Variants in ADGRV1 observed in about 807,000 individuals in gnomAD.
The protein encoded by ADGRV1 is G-protein coupled receptor 98.
Under a neutral mutation model 596.2 loss-of-function variants are expected in ADGRV1, and 359 were observed. The observed-to-expected ratio is 0.60, with a 90% confidence interval of 0.55 to 0.66. The LOEUF (loss-of-function observed/expected upper bound fraction) is 0.66. ADGRV1 is among the 30% of genes least tolerant of loss of function. The pLI, the probability that ADGRV1 is intolerant of heterozygous loss-of-function variation, is 0.00. For missense variants in ADGRV1, 7,274 were observed against 7,575.6 expected (o/e 0.96, Z 1.48); for synonymous variants, 2,681 against 2,679.2 (o/e 1.00, Z -0.02).
intron 85 of ADGRV1, among the ~76,000 whole-genome samples, chr5:91,018,932 C>T (rs550775020): frequency 6.6e-6 from 1 of 151,898 alleles, no homozygotes; most frequent in Non-Finnish European, 1.5e-5. Context: ...TTATAGAAAT[C>T]GGTCATTTCA....
intron 59 of ADGRV1, among the ~76,000 whole-genome samples, chr5:90,765,157 C>A (rs1249790811): frequency 3.3e-5 from 5 of 152,108 alleles, no homozygotes; most frequent in African/African-American, 1.2e-4. Context: ...CTGTTCAGAA[C>A]TGGGCCTTTC....
At chr5:90,791,593 G>A (rs923269628) in intron 70 of ADGRV1, 1 of 464,212 alleles carries the variant, frequency 2.2e-6, no homozygotes, top group East Asian at 3.7e-5. Flanking sequence ...TACTTACAAA[G>A]TTCTAGGAAA....
At position 91,043,611 on chromosome 5, in the gene ADGRV1, A is replaced by G. The variant is rs888341147; in HGVS notation, c.18153-28836A>G. Among the ~76,000 whole-genome samples, 10 of 152,148 alleles carry G rather than the reference A, an allele frequency of 6.6e-5. No individual in the cohort carries two copies. The East Asian group carries it at 1.3e-3, about 21-fold the overall frequency. ...CAGTTCCTCCATTTATAAAATGGGG[A>G]TTATAATTCTAGTAATTACCTCTTA... On this transcript the variant is annotated intron_variant, in intron 85 of 89. Transcript: ENST00000405460.
At chr5:91,116,740 T>A (rs1181273001) in intron 87 of ADGRV1, among the ~76,000 whole-genome samples, 1 of 152,196 alleles carries the variant, frequency 6.6e-6, no homozygotes, top group East Asian at 1.9e-4. Flanking sequence ...CCATAATTAA[T>A]GTTTTGGGAC....
chr5:90,643,788 A>G lies in ADGRV1; in HGVS notation c.2554-15A>G. On this transcript the variant is annotated splice_polypyrimidine_tract_variant and intron_variant, in intron 13 of 89. Transcript: ENST00000405460. The stretch of plus-strand genomic sequence containing the variant: ...TCAACTTTATAATTTCCATACTTTG[A>G]CACATTCACTTTAGTTGGATGAACA... 2 of 1,563,476 alleles carry G rather than the reference A, an allele frequency of 1.3e-6. No individual in the cohort carries two copies. The highest frequency in any genetic ancestry group is 8.7e-7 in the Non-Finnish European group (1 of 1,153,656).
chr5:91,005,381 T>A (rs1782186491), intron 85 of ADGRV1, among the ~76,000 whole-genome samples: 1 of 152,240 alleles, frequency 6.6e-6, no homozygotes, highest in South Asian at 2.1e-4. Context: ...TATATATATT[T>A]TTTTGAAGTG....
chr5:90,693,338 C>T (rs2149635924), intron 32 of ADGRV1, among the ~76,000 whole-genome samples: 1 of 152,086 alleles, frequency 6.6e-6, no homozygotes, highest in East Asian at 1.9e-4. Context: ...AACCTATGCA[C>T]AGTCATCCAT....
chr5:90,684,813 C>T (rs73181676), intron 28 of ADGRV1, among the ~76,000 whole-genome samples: 5,215 of 152,184 alleles, frequency 0.034, 173 homozygotes, highest in African/African-American at 0.09. Flanking sequence ...AACCTTCAGA[C>T]CATAGTAACA....
At chr5:90,666,498 C>G (rs1032569931) in intron 21 of ADGRV1, among the ~76,000 whole-genome samples, 1 of 150,232 alleles carries the variant, frequency 6.7e-6, no homozygotes, top group Non-Finnish European at 1.5e-5. Flanking sequence ...TATTTTGAGC[C>G]TATGTGTGTC....
chr5:90,861,435 G>A (rs539479139), intron 82 of ADGRV1, among the ~76,000 whole-genome samples: 13 of 151,776 alleles, frequency 8.6e-5, no homozygotes, highest in African/African-American at 3.1e-4. Flanking sequence ...TCAGCCTCCC[G>A]GGTAGCTGGG....
intron 42 of ADGRV1, 61 bp downstream of exon 42, chr5:90,712,489 GGAA>G (rs1292428479): frequency 3.2e-6 from 4 of 1,232,320 alleles, no homozygotes; most frequent in Non-Finnish European, 3.4e-6. Context: ...TTAATATGGG[GGAA>G]GATGTAAAGG....
chr5:90,881,663 A>G (rs1445165946), intron 83 of ADGRV1, among the ~76,000 whole-genome samples: 3 of 152,182 alleles, frequency 2.0e-5, no homozygotes, highest in Non-Finnish European at 4.4e-5. Context: ...TAATGAAAGT[A>G]TTAGAAAATA....
chr5:90,949,852 G>A (rs1456926116), intron 83 of ADGRV1, among the ~76,000 whole-genome samples: 1 of 149,760 alleles, frequency 6.7e-6, no homozygotes, highest in Non-Finnish European at 1.5e-5. Context: ...AATGGACTGT[G>A]TGCATTGACT....
chr5:90,757,446 C>G (rs1270169682), intron 57 of ADGRV1, among the ~76,000 whole-genome samples: 3 of 152,136 alleles, frequency 2.0e-5, no homozygotes, highest in Non-Finnish European at 4.4e-5. Flanking sequence ...AAGTGCCTAA[C>G]AATGTATAGA....
chr5:90,906,363 T>G (rs936951172), intron 83 of ADGRV1, among the ~76,000 whole-genome samples: 1 of 152,130 alleles, frequency 6.6e-6, no homozygotes, highest in Non-Finnish European at 1.5e-5. Flanking sequence ...CCTGGGCTGT[T>G]TTTTACTGGG....
Position 90,699,746 on chromosome 5 carries a change from C to G in ADGRV1, c.8155+2600C>G, listed in dbSNP as rs111600574. Among the ~76,000 whole-genome samples the G allele has an allele frequency of 4.9e-4, 75 of 152,222 alleles. 1 individual carries two copies. The highest frequency in any genetic ancestry group is 1.7e-3 in the African/African-American group (72 of 41,550). ...GTACCACAACATCTTGGAGAAACTG[C>G]AGATATGAACACCTACAGTCTGTTT... On this transcript the variant is annotated intron_variant, in intron 34 of 89. Coordinates refer to ENST00000405460, the MANE Select transcript of ADGRV1 (RefSeq NM_032119.4).
intron 81 of ADGRV1, among the ~76,000 whole-genome samples, chr5:90,854,553 G>T (rs1230426644): frequency 2.0e-5 from 3 of 152,172 alleles, no homozygotes; most frequent in African/African-American, 7.2e-5. Context: ...TGGGCTTGTG[G>T]TTCTGGAAAC....
chr5:90,744,995 G>A lies in ADGRV1; in HGVS notation c.10550-51G>A, dbSNP rs959008999. 16 of 1,287,692 alleles carry A rather than the reference G, an allele frequency of 1.2e-5. No homozygotes were observed. In the Middle Eastern group the frequency reaches 5.6e-4, roughly 45 times the overall value. 79.8% of individuals were successfully genotyped at this position (1,287,692 alleles called of 1,614,324 possible). A position where few individuals can be genotyped will look rare whatever the true frequency, so the allele number is the denominator to read the frequency against. ...TTTGGAACCGATGCAGGGAGTGTGG[G>A]AGGTGACAGTTTATATCTCACTCAA... On this transcript the variant is annotated intron_variant, in intron 50 of 89. Coordinates refer to ENST00000405460, the MANE Select transcript of ADGRV1 (RefSeq NM_032119.4).
intron 85 of ADGRV1, among the ~76,000 whole-genome samples, chr5:91,042,244 A>C (rs1400214856): frequency 1.3e-5 from 2 of 152,216 alleles, no homozygotes; most frequent in African/African-American, 4.8e-5. Flanking sequence ...AATAAAAACA[A>C]TCAAGGTGTC....
Sources: allele counts gnomAD v4.1 joint callset (sites outside exome capture counted in the v4.1 genomes callset), GRCh38; gene constraint gnomAD v4.1.1; transcripts MANE v1.5; gene names NCBI Gene and HGNC (gene_info 2026-07-23, HGNC 2026-07-21).